The following PLCB1 variants were observed in gnomAD, a reference collection of about 807,000 sequenced individuals.
PLCB1 encodes phospholipase C beta 1, also known as 1-phosphatidylinositol 4,5-bisphosphate phosphodiesterase beta-1.
A neutral mutation model predicts 161.8 loss-of-function variants in PLCB1; 46 were observed. That is an observed-to-expected ratio of 0.28 (90% confidence interval 0.22 to 0.36). The LOEUF (loss-of-function observed/expected upper bound fraction) is 0.36. Ranked by LOEUF, PLCB1 falls within the 10% of genes least tolerant of loss-of-function variation. The pLI, the probability that PLCB1 is intolerant of heterozygous loss-of-function variation, is 1.00. For missense variants in PLCB1, 1,016 were observed against 1,472.5 expected (o/e 0.69, Z 5.07); for synonymous variants, 517 against 503.7 (o/e 1.03, Z -0.35).
Position 8,284,392 on chromosome 20 carries a change from C to T in PLCB1, c.178-86990C>T, listed in dbSNP as rs1293103897. 3.3e-5 allele frequency among the ~76,000 whole-genome samples: 5 copies of T among 152,120 alleles called. 1 individual carries two copies. In the South Asian group the frequency reaches 1.0e-3, roughly 32 times the overall value. On this transcript the variant is annotated intron_variant, in intron 2 of 31. Transcript: ENST00000338037. ...TCAAAACTCTGTATACCTTTTCCTA[C>T]CTTCTGGTATGTGACATAACGTGTA...
chr20:8,567,899 G>T (rs1986388249), intron 3 of PLCB1, among the ~76,000 whole-genome samples: 1 of 152,130 alleles, frequency 6.6e-6, no homozygotes, highest in Admixed American at 6.6e-5. Context: ...TGACTTTGAA[G>T]TCAATTTATA....
chr20:8,679,216 A>G (rs574861578), intron 9 of PLCB1, among the ~76,000 whole-genome samples: 9 of 152,314 alleles, frequency 5.9e-5, no homozygotes, highest in South Asian at 2.1e-4. Context: ...ATCTTTTCCC[A>G]TGTACCTGAA....
intron 2 of PLCB1, among the ~76,000 whole-genome samples, chr20:8,292,114 C>T (rs1983410410): frequency 6.6e-6 from 1 of 152,020 alleles, no homozygotes; most frequent in Non-Finnish European, 1.5e-5. Flanking sequence ...TGCTTATGAC[C>T]CTCTGTGGTA....
chr20:8,708,581 GAC>G (rs1268254075), intron 11 of PLCB1, 87 bp from the exon 12 acceptor site: 2 of 784,956 alleles, frequency 2.5e-6, no homozygotes, highest in Non-Finnish European at 4.3e-6. Context: ...GAATGGAAAA[GAC>G]AACTATATTA....
chr20:8,456,381 G>A (rs1981317893), intron 3 of PLCB1, among the ~76,000 whole-genome samples: 1 of 152,128 alleles, frequency 6.6e-6, no homozygotes, highest in Non-Finnish European at 1.5e-5. Context: ...AAAGTTTGGG[G>A]TGAGTATTTT....
intron 2 of PLCB1, among the ~76,000 whole-genome samples, chr20:8,247,168 C>T (rs1423638965): frequency 6.6e-6 from 1 of 151,846 alleles, no homozygotes; most frequent in Non-Finnish European, 1.5e-5. Context: ...CCCTATTGTG[C>T]CAAGAAAAGA....
intron 31 of PLCB1, among the ~76,000 whole-genome samples, chr20:8,836,306 T>A (rs1240719705): frequency 6.6e-6 from 1 of 152,218 alleles, no homozygotes; most frequent in African/African-American, 2.4e-5. Context: ...TTTCAATCTA[T>A]ACATAATATG....
At chr20:8,225,332 A>G (rs1979626104) in intron 2 of PLCB1, among the ~76,000 whole-genome samples, 1 of 152,118 alleles carries the variant, frequency 6.6e-6, no homozygotes, top group African/African-American at 2.4e-5. Flanking sequence ...GTCTGAATGA[A>G]GTGTGAAGAT....
At chr20:8,138,949 C>T (rs2051374822) in intron 1 of PLCB1, among the ~76,000 whole-genome samples, 1 of 148,388 alleles carries the variant, frequency 6.7e-6, no homozygotes, top group African/African-American at 2.5e-5. Flanking sequence ...TATCAAGAAA[C>T]TAAATTATTA....
intron 31 of PLCB1, among the ~76,000 whole-genome samples, chr20:8,823,380 C>A (rs191378314): frequency 3.9e-5 from 6 of 152,304 alleles, no homozygotes; most frequent in Admixed American, 1.3e-4. Context: ...GCCTCAGCCT[C>A]CCAAAGTGCT....
intron 31 of PLCB1, among the ~76,000 whole-genome samples, chr20:8,860,076 A>G (rs1568628000): frequency 6.6e-6 from 1 of 152,188 alleles, no homozygotes; most frequent in Non-Finnish European, 1.5e-5. Context: ...TGACTTCATC[A>G]TTTACCAGCT....
chr20:8,669,008 T>A (rs1353231989), intron 9 of PLCB1, among the ~76,000 whole-genome samples: 1 of 152,194 alleles, frequency 6.6e-6, no homozygotes, highest in African/African-American at 2.4e-5. Context: ...GTATTACCCA[T>A]CTAACTTATG....
intron 3 of PLCB1, among the ~76,000 whole-genome samples, chr20:8,508,537 T>C (rs1983740979): frequency 6.6e-6 from 1 of 152,164 alleles, no homozygotes; most frequent in South Asian, 2.1e-4. Flanking sequence ...TTCCAATCTA[T>C]TGTTTAAACT....
At chr20:8,513,790 G>A (rs1185558677) in intron 3 of PLCB1, among the ~76,000 whole-genome samples, 2 of 152,058 alleles carry the variant, frequency 1.3e-5, no homozygotes, top group Non-Finnish European at 2.9e-5. Flanking sequence ...CAGAAAGATC[G>A]CTTGAGCTCA....
intron 9 of PLCB1, among the ~76,000 whole-genome samples, chr20:8,660,749 A>G (rs13038698): frequency 0.38 from 57,489 of 152,054 alleles, 11,446 homozygotes; most frequent in Non-Finnish European, 0.43. Flanking sequence ...AGGCACACAA[A>G]ATATTTAAAA....
At chr20:8,535,625 CAG>C (rs1481328560) in intron 3 of PLCB1, among the ~76,000 whole-genome samples, 1 of 152,244 alleles carries the variant, frequency 6.6e-6, no homozygotes, top group East Asian at 1.9e-4. Flanking sequence ...GCCCCTACAA[CAG>C]AGTTATCCAG....
chr20:8,700,337 T>C (rs1300691307), intron 11 of PLCB1, among the ~76,000 whole-genome samples: 2 of 152,260 alleles, frequency 1.3e-5, no homozygotes, highest in African/African-American at 2.4e-5. Flanking sequence ...GAGTTCCTTG[T>C]GGGAGAATAA....
In PLCB1 at chr20:8,629,873, C is replaced by CTT. The variant is rs1369516669; in HGVS notation, c.384+1444_384+1445dup. ...TCTTTCTTTCTTTCTTTCTTTCTTT[C>CTT]TTTCTCTCTCTCTTTCTTTTCTTTC... On this transcript the variant is annotated intron_variant, in intron 4 of 31. Transcript: ENST00000338037. Among the ~76,000 whole-genome samples, 8 of 72,250 alleles carry CTT rather than the reference C, an allele frequency of 1.1e-4. 1 individual carries two copies. The highest frequency in any genetic ancestry group is 3.9e-4 in the African/African-American group (8 of 20,724). 47.4% of individuals were successfully genotyped at this position (72,250 alleles called of 152,430 possible).
chr20:8,552,000 A>G (rs1985790996), intron 3 of PLCB1, among the ~76,000 whole-genome samples: 1 of 152,156 alleles, frequency 6.6e-6, no homozygotes, highest in South Asian at 2.1e-4. Flanking sequence ...GGCTTGTGTA[A>G]GACTGTTATG....
Sources: allele counts gnomAD v4.1 joint callset (sites outside exome capture counted in the v4.1 genomes callset), GRCh38; gene constraint gnomAD v4.1.1; transcripts MANE v1.5; gene names NCBI Gene and HGNC (gene_info 2026-07-23, HGNC 2026-07-21).